The following IGF2BP3 variants were observed in gnomAD, a reference collection of about 807,000 sequenced individuals.
The protein encoded by IGF2BP3 is insulin like growth factor 2 mRNA binding protein 3.
IGF2BP3 carries 9 observed loss-of-function variants against 73.8 expected under a neutral mutation model. The observed-to-expected ratio is 0.12, with a 90% CI of 0.07 to 0.21. IGF2BP3 has a LOEUF of 0.21. Among genes scored for constraint, IGF2BP3 ranks in the 10% least tolerant of loss-of-function variants. The pLI is 1.00. For synonymous variants in IGF2BP3, 258 were observed against 256.7 expected, an observed-to-expected ratio of 1.01 and a Z score of -0.05; for missense variants, 542 against 714.0, an observed-to-expected ratio of 0.76 and a Z score of 2.75.
intron 2 of IGF2BP3, among the ~76,000 whole-genome samples, chr7:23,451,836 T>C (rs548521131): frequency 7.1e-6 from 1 of 140,140 alleles, no homozygotes; most frequent in East Asian, 2.2e-4. Context: ...TAATCTCAGC[T>C]ACTCAGGAGG....
At chr7:23,364,492 G>C (rs1785316504) in intron 3 of IGF2BP3, among the ~76,000 whole-genome samples, 4 of 141,114 alleles carry the variant, frequency 2.8e-5, no homozygotes, top group Admixed American at 2.2e-4. Context: ...AGATTGCAGT[G>C]AGCTGAGAGC....
Position 23,412,842 on chromosome 7 carries a change from C to CTTTTTTTT in IGF2BP3, c.285+5926_285+5933dup, listed in dbSNP as rs557467066. Among the ~76,000 whole-genome samples the CTTTTTTTT allele has an allele frequency of 4.6e-4, 17 of 37,020 alleles. 1 individual carries two copies. Among genetic ancestry groups the CTTTTTTTT allele is most frequent in the East Asian group, 1.1e-3 (1 of 908 alleles). The allele number at this position is 37,020 out of a possible 152,430, so 24.3% of individuals were successfully genotyped here. On this transcript the variant is annotated intron_variant, in intron 3 of 14. Transcript: ENST00000258729. Reference sequence around the variant, plus strand: ...GAAATCCTTTCCTTAAGACTCTGGCCTTTTTTTTTTTTTTTTTTTTTTTTT... The same window carrying CTTTTTTTT: ...GAAATCCTTTCCTTAAGACTCTGGCCTTTTTTTTTTTTTTTTTTTTTTTTTTTTTTTTT...
intron 2 of IGF2BP3, among the ~76,000 whole-genome samples, chr7:23,449,787 TC>T (rs1288952942): frequency 6.6e-6 from 1 of 151,800 alleles, no homozygotes; most frequent in Non-Finnish European, 1.5e-5. Context: ...GGTCTCGAAC[TC>T]CCGACCTCAA....
At chr7:23,440,688 C>G (rs1263128273) in intron 2 of IGF2BP3, among the ~76,000 whole-genome samples, 1 of 152,168 alleles carries the variant, frequency 6.6e-6, no homozygotes, top group African/African-American at 2.4e-5. Flanking sequence ...AGCGGCACAC[C>G]AGGACTCCAA....
At chr7:23,408,960 GGACA>G (rs1388492243) in intron 3 of IGF2BP3, among the ~76,000 whole-genome samples, 1 of 144,646 alleles carries the variant, frequency 6.9e-6, no homozygotes, top group Non-Finnish European at 1.5e-5. Context: ...ATTTTTCCAC[GGACA>G]GAGAGTGGGG....
rs184526059 is a variant in IGF2BP3 at position 23,366,326 on chromosome 7, C to T, written c.286-4585G>A. Among the ~76,000 whole-genome samples, 1,168 of 151,984 alleles carry T rather than the reference C, an allele frequency of 7.7e-3. 16 individuals are homozygous for T. Among genetic ancestry groups the T allele is most frequent in the African/African-American group, 0.026 (1,095 of 41,452 alleles). Reference sequence around the variant, plus strand: ...CTAATTTTCGTATTTTTAGTAGAGACGGGGTTTCACCATGTTGCCCAGGCT... The same window carrying T: ...CTAATTTTCGTATTTTTAGTAGAGATGGGGTTTCACCATGTTGCCCAGGCT... On this transcript the variant is annotated intron_variant, in intron 3 of 14. Coordinates refer to ENST00000258729, the MANE Select transcript of IGF2BP3 (RefSeq NM_006547.3).
chr7:23,468,381 G>C (rs1334415556), intron 2 of IGF2BP3, 101 bp downstream of exon 2: 6 of 1,194,766 alleles, frequency 5.0e-6, no homozygotes, highest in South Asian at 2.5e-5. Flanking sequence ...CACGCCACAC[G>C]GCAGGGGGTA....
intron 10 of IGF2BP3, among the ~76,000 whole-genome samples, chr7:23,321,691 G>C (rs949328636): frequency 5.3e-5 from 8 of 152,222 alleles, no homozygotes; most frequent in Non-Finnish European, 1.0e-4. Flanking sequence ...GCTTTGAAGA[G>C]AGCAGTGGTT....
At chr7:23,430,852 A>C (rs1387613996) in intron 2 of IGF2BP3, among the ~76,000 whole-genome samples, 3 of 152,244 alleles carry the variant, frequency 2.0e-5, no homozygotes, top group African/African-American at 4.8e-5. Context: ...TCAAAGGCTT[A>C]GCTGTCTGTA....
intron 3 of IGF2BP3, among the ~76,000 whole-genome samples, chr7:23,400,630 G>T (rs1045929385): frequency 9.2e-5 from 14 of 152,198 alleles, no homozygotes; most frequent in African/African-American, 2.9e-4. Context: ...AGATGCCCAA[G>T]AATTTCCATT....
chr7:23,398,430 T>G (rs895742024), intron 3 of IGF2BP3, among the ~76,000 whole-genome samples: 6 of 152,184 alleles, frequency 3.9e-5, no homozygotes, highest in South Asian at 2.1e-4. Flanking sequence ...ATATACCCAG[T>G]AATGGGATGG....
At chr7:23,425,715 C>T (rs1182199313) in intron 2 of IGF2BP3, among the ~76,000 whole-genome samples, 3 of 152,178 alleles carry the variant, frequency 2.0e-5, no homozygotes, top group Non-Finnish European at 2.9e-5. Context: ...TAATTGCATG[C>T]TTCTCCCCCA....
At chr7:23,435,594 T>TAA (rs1053765430) in intron 2 of IGF2BP3, among the ~76,000 whole-genome samples, 1 of 151,920 alleles carries the variant, frequency 6.6e-6, no homozygotes, top group African/African-American at 2.4e-5. Flanking sequence ...TAGCTGGGAT[T>TAA]ACAGGCGCCC....
chr7:23,357,959 C>T (rs888862149), intron 5 of IGF2BP3, among the ~76,000 whole-genome samples: 2 of 152,204 alleles, frequency 1.3e-5, no homozygotes, highest in African/African-American at 4.8e-5. Context: ...GACCAGCCAT[C>T]ACTGGAAATG....
At chr7:23,330,929 C>A (rs1049463468) in intron 10 of IGF2BP3, among the ~76,000 whole-genome samples, 1 of 152,086 alleles carries the variant, frequency 6.6e-6, no homozygotes, top group African/African-American at 2.4e-5. Flanking sequence ...TCCCGAATAG[C>A]TGGAATTACA....
Position 23,470,441 on chromosome 7 carries a change from T to A in IGF2BP3, c.-331A>T, listed in dbSNP as rs138994151. On this transcript the variant is annotated 5_prime_UTR_variant, in exon 1 of 15. Transcript: ENST00000258729. ...GGGGAAAAAACTACTTTTTGTCTCT[T>A]CCTTCCCAACCCCTTTGGCTTCGGC... 1.9e-3 allele frequency: 308 copies of A among 164,174 alleles called. 1 individual carries two copies. The highest frequency in any genetic ancestry group is 0.011 in the Middle Eastern group (4 of 374). The allele number at this position is 164,174 out of a possible 1,614,324, so 10.2% of individuals were successfully genotyped here.
At chr7:23,463,958 C>A (rs932844567) in intron 2 of IGF2BP3, among the ~76,000 whole-genome samples, 1 of 152,202 alleles carries the variant, frequency 6.6e-6, no homozygotes, top group Admixed American at 6.5e-5. Context: ...AGTTTCCTAA[C>A]ATTCAGAACC....
intron 3 of IGF2BP3, among the ~76,000 whole-genome samples, chr7:23,366,596 A>T (rs1311757612): frequency 6.6e-6 from 1 of 151,926 alleles, no homozygotes; most frequent in Non-Finnish European, 1.5e-5. Flanking sequence ...AACCCCTCTA[A>T]TCCTTAGAAG....
intron 2 of IGF2BP3, among the ~76,000 whole-genome samples, chr7:23,466,105 A>G (rs917601552): frequency 6.7e-6 from 1 of 149,330 alleles, no homozygotes; most frequent in African/African-American, 2.5e-5. Context: ...TGCAACCTCC[A>G]GCTCCCCAGT....
Sources: gnomAD v4.1 joint callset for allele counts (sites outside exome capture counted in the v4.1 genomes callset) on GRCh38, gnomAD v4.1.1 for gene constraint, MANE v1.5 for transcripts, NCBI Gene and HGNC (gene_info 2026-07-23, HGNC 2026-07-21) for gene names.